PTPRG: variants seen among roughly 807,000 people sequenced by gnomAD.
PTPRG encodes protein tyrosine phosphatase receptor type G.
A neutral mutation model predicts 165.3 loss-of-function variants in PTPRG; 102 were observed. The observed-to-expected ratio is 0.62, with a 90% CI of 0.53 to 0.73. The LOEUF (loss-of-function observed/expected upper bound fraction) is 0.73, where lower values mean the gene tolerates loss of function less well. Among genes scored for constraint, PTPRG ranks in the 30% least tolerant of loss-of-function variants. PTPRG has a pLI of 0.00. For missense variants in PTPRG, 1,866 were observed against 1,861.4 expected (o/e 1.00, Z -0.05); for synonymous variants, 675 against 669.5 (o/e 1.01, Z -0.13).
At chr3:61,834,613 G>T (rs1274548119) in intron 2 of PTPRG, among the ~76,000 whole-genome samples, 1 of 152,156 alleles carries the variant, frequency 6.6e-6, no homozygotes, top group African/African-American at 2.4e-5. Flanking sequence ...AGGAGATCGA[G>T]ACCATCCTGG....
rs71123242 is a variant in PTPRG, at chr3:61,945,560, C to CAAAAAAAAAAAA, written c.191-44047_191-44036dup. ...GGCAATAGGAATGAAACTCCGTCAC[C>CAAAAAAAAAAAA]AAAAAAAAAAAAAAAAAAAAAAAAA... On this transcript the variant is annotated intron_variant, in intron 2 of 29. Coordinates refer to ENST00000474889, the MANE Select transcript of PTPRG (RefSeq NM_002841.4). Among the ~76,000 whole-genome samples, 73 of 55,462 alleles carry CAAAAAAAAAAAA rather than the reference C, an allele frequency of 1.3e-3. 1 individual carries two copies. The highest frequency in any genetic ancestry group is 2.9e-3 in the African/African-American group (41 of 14,338). The allele number at this position is 55,462 out of a possible 152,430, so 36.4% of individuals were successfully genotyped here. A position where few individuals can be genotyped will look rare whatever the true frequency, so the allele number is the denominator to read the frequency against.
chr3:61,588,802 ACATACT>A (rs1179878217), intron 1 of PTPRG, among the ~76,000 whole-genome samples: 4 of 152,136 alleles, frequency 2.6e-5, no homozygotes, highest in Admixed American at 6.5e-5. Flanking sequence ...ATATACACAC[ACATACT>A]CATATATGCA....
intron 1 of PTPRG, among the ~76,000 whole-genome samples, chr3:61,594,585 C>T (rs1700648897): frequency 6.6e-6 from 1 of 152,152 alleles, no homozygotes; most frequent in Non-Finnish European, 1.5e-5. Flanking sequence ...TGCGGAAGCA[C>T]ACCCAGGACT....
chr3:61,853,402 T>G (rs138266595), intron 2 of PTPRG, among the ~76,000 whole-genome samples: 1 of 152,330 alleles, frequency 6.6e-6, no homozygotes, highest in East Asian at 1.9e-4. Flanking sequence ...GGCTTACTAT[T>G]GATTGTTTCC....
intron 2 of PTPRG, among the ~76,000 whole-genome samples, chr3:61,959,522 G>A (rs982610757): frequency 1.3e-5 from 2 of 152,164 alleles, no homozygotes; most frequent in African/African-American, 4.8e-5. Context: ...TGACCTAACC[G>A]GAGGCGGAGC....
At chr3:61,854,039 G>C (rs1341735409) in intron 2 of PTPRG, among the ~76,000 whole-genome samples, 1 of 152,202 alleles carries the variant, frequency 6.6e-6, no homozygotes, top group Non-Finnish European at 1.5e-5. Context: ...AGAGGAACCG[G>C]TGGCCATTCA....
chr3:61,856,699 A>C (rs2037115891), intron 2 of PTPRG, among the ~76,000 whole-genome samples: 2 of 152,238 alleles, frequency 1.3e-5, no homozygotes, highest in South Asian at 2.1e-4. Flanking sequence ...ATTAACAAAC[A>C]ACTCTAACTT....
intron 16 of PTPRG, among the ~76,000 whole-genome samples, chr3:62,259,594 T>C (rs1176966968): frequency 6.6e-6 from 1 of 152,206 alleles, no homozygotes; most frequent in Non-Finnish European, 1.5e-5. Context: ...GAAAAACGTT[T>C]TTAAACGGTT....
chr3:61,709,333 G>T (rs2031432897), intron 1 of PTPRG, among the ~76,000 whole-genome samples: 2 of 151,348 alleles, frequency 1.3e-5, no homozygotes, highest in South Asian at 4.2e-4. Flanking sequence ...TATTTTTTTT[G>T]AAATGGGGTC....
At chr3:62,060,592 G>C (rs1700777062) in intron 4 of PTPRG, among the ~76,000 whole-genome samples, 1 of 152,226 alleles carries the variant, frequency 6.6e-6, no homozygotes, top group Admixed American at 6.5e-5. Flanking sequence ...AGTAAAGTTT[G>C]AAAAGAAATC....
intron 1 of PTPRG, among the ~76,000 whole-genome samples, chr3:61,617,183 G>T (rs11714689): frequency 0.095 from 14,453 of 152,210 alleles, 768 homozygotes; most frequent in Middle Eastern, 0.13. Flanking sequence ...TACACTGTGT[G>T]GGAGGAACTG....
intron 2 of PTPRG, among the ~76,000 whole-genome samples, chr3:61,962,514 C>T (rs960135312): frequency 2.6e-5 from 4 of 151,928 alleles, no homozygotes; most frequent in African/African-American, 9.7e-5. Flanking sequence ...GAAAACTGTT[C>T]CTTTGAGTTC....
intron 1 of PTPRG, among the ~76,000 whole-genome samples, chr3:61,682,167 A>AAAAAAG (rs61686807): frequency 1.3e-5 from 2 of 151,086 alleles, no homozygotes; most frequent in Non-Finnish European, 3.0e-5. Context: ...AAAAAAAAAA[A>AAAAAAG]GTGAACTGGT....
chr3:61,827,773 T>C (rs1310837366), intron 2 of PTPRG, among the ~76,000 whole-genome samples: 1 of 152,210 alleles, frequency 6.6e-6, no homozygotes, highest in East Asian at 1.9e-4. Flanking sequence ...CAAGCTTTTC[T>C]AAGCTATAGG....
intron 5 of PTPRG, among the ~76,000 whole-genome samples, chr3:62,083,667 C>A (rs760226316): frequency 2.6e-5 from 4 of 152,226 alleles, no homozygotes; most frequent in Middle Eastern, 3.2e-3. Context: ...CCAATACTTA[C>A]AATGACCTTA....
intron 1 of PTPRG, among the ~76,000 whole-genome samples, chr3:61,563,234 C>T (rs1317977759): frequency 6.6e-6 from 1 of 152,162 alleles, no homozygotes; most frequent in East Asian, 1.9e-4. Context: ...TGCCTACCTT[C>T]ATCTTTGCCC....
At chr3:62,040,044 C>T (rs532512436) in intron 4 of PTPRG, among the ~76,000 whole-genome samples, 66 of 152,236 alleles carry the variant, frequency 4.3e-4, no homozygotes, top group African/African-American at 1.5e-3. Context: ...CTTTTCCAGC[C>T]GACAACCAGC....
chr3:61,618,265 T>C (rs1238252329), intron 1 of PTPRG, among the ~76,000 whole-genome samples: 1 of 152,202 alleles, frequency 6.6e-6, no homozygotes, highest in African/African-American at 2.4e-5. Context: ...ATTTAAAATA[T>C]AAAAAATTAA....
At chr3:61,863,465 A>G (rs1260019311) in intron 2 of PTPRG, among the ~76,000 whole-genome samples, 1 of 152,276 alleles carries the variant, frequency 6.6e-6, no homozygotes. Flanking sequence ...CAAGGCAATT[A>G]GAATGTGTGC....
Sources: allele counts gnomAD v4.1 joint callset (sites outside exome capture counted in the v4.1 genomes callset), GRCh38; gene constraint gnomAD v4.1.1; transcripts MANE v1.5; gene names NCBI Gene and HGNC (gene_info 2026-07-23, HGNC 2026-07-21).